The following LINGO2 variants were observed in gnomAD, a reference collection of about 807,000 sequenced individuals.
The protein encoded by LINGO2 is leucine-rich repeat and immunoglobulin-like domain-containing nogo receptor-interacting protein 2.
Under a neutral mutation model 30.6 loss-of-function variants are expected in LINGO2, and 14 were observed. That is an observed-to-expected ratio of 0.46 (90% CI 0.30 to 0.72). The LOEUF (loss-of-function observed/expected upper bound fraction) is 0.72, where lower values mean the gene tolerates loss of function less well. Ranked by LOEUF, LINGO2 falls within the 30% of genes least tolerant of loss-of-function variation. The probability of loss-of-function intolerance (pLI) is 0.07; values close to 1 mark genes in which losing one functional copy is unlikely to be tolerated. For missense variants in LINGO2, 729 were observed against 751.7 expected (o/e 0.97, Z 0.35); for synonymous variants, 317 against 288.5 (o/e 1.10, Z -1.00).
intron 1 of LINGO2, among the ~76,000 whole-genome samples, chr9:28,558,822 G>A (rs1044804956): frequency 2.0e-5 from 3 of 151,872 alleles, no homozygotes; most frequent in African/African-American, 4.8e-5. Context: ...TTTTGAGCTC[G>A]TGTGTGTGTT....
At chr9:28,081,375 G>A (rs1468787089) in intron 4 of LINGO2, among the ~76,000 whole-genome samples, 1 of 151,450 alleles carries the variant, frequency 6.6e-6, no homozygotes, top group African/African-American at 2.4e-5. Flanking sequence ...TACCTCTTAT[G>A]ATGAACCACT....
the LINGO2 span, among the ~76,000 whole-genome samples, chr9:28,693,493 G>A: frequency 2.7e-3 from 415 of 152,178 alleles, 3 homozygotes; most frequent in African/African-American, 9.5e-3. Flanking sequence ...CCATAAAAAT[G>A]TAAAATAATA....
chr9:28,535,701 T>C (rs909822328), intron 1 of LINGO2, among the ~76,000 whole-genome samples: 1 of 149,440 alleles, frequency 6.7e-6, no homozygotes, highest in East Asian at 2.0e-4. Context: ...AGTACGTGCA[T>C]GCACACACAC....
the LINGO2 span, among the ~76,000 whole-genome samples, chr9:29,127,879 T>C: frequency 1.3e-5 from 2 of 152,268 alleles, no homozygotes; most frequent in East Asian, 1.9e-4. Context: ...TCTTTTCTTA[T>C]GCTAAATTAT....
intron 5 of LINGO2, among the ~76,000 whole-genome samples, chr9:27,993,770 G>C (rs144141912): frequency 1.3e-5 from 2 of 152,012 alleles, no homozygotes; most frequent in African/African-American, 2.4e-5. Context: ...TTTACCCCTA[G>C]TACCTAGTAA....
chr9:28,423,567 A>T (rs985024728), intron 2 of LINGO2, among the ~76,000 whole-genome samples: 3 of 152,138 alleles, frequency 2.0e-5, no homozygotes, highest in Non-Finnish European at 2.9e-5. Flanking sequence ...TCTGTTCAGA[A>T]TAAAATTTCC....
At chr9:28,613,297 T>A (rs1467221701) in intron 1 of LINGO2, among the ~76,000 whole-genome samples, 1 of 152,082 alleles carries the variant, frequency 6.6e-6, no homozygotes, top group Admixed American at 6.6e-5. Context: ...GATGTATTAG[T>A]ATACATAAAT....
intron 1 of LINGO2, among the ~76,000 whole-genome samples, chr9:28,506,475 C>T (rs866601542): frequency 0.089 from 1,410 of 15,804 alleles, 47 homozygotes; most frequent in African/African-American, 0.26. Flanking sequence ...CACACACACA[C>T]ACACATACAC....
chr9:27,976,436 C>G (rs1279301480), intron 5 of LINGO2, among the ~76,000 whole-genome samples: 1 of 151,842 alleles, frequency 6.6e-6, no homozygotes, highest in Non-Finnish European at 1.5e-5. Flanking sequence ...TTTTTGAGAC[C>G]AAATGGTCTG....
At chr9:28,841,344 G>A in the LINGO2 span, among the ~76,000 whole-genome samples, 24 of 151,838 alleles carry the variant, frequency 1.6e-4, no homozygotes, top group Non-Finnish European at 2.8e-4. Flanking sequence ...ATTTAACAGT[G>A]TGTCACCTTA....
rs1263654531 is a variant in LINGO2 at position 28,289,530 on chromosome 9, G to A, written c.-87+5678C>T. The stretch of plus-strand genomic sequence containing the variant: ...AGAAAGATAAAGTATTCCAAAGAAA[G>A]AAAGTGCATATCTCACAAACAGGGG... On this transcript the variant is annotated intron_variant, in intron 4 of 5. Coordinates refer to ENST00000379992, the Ensembl canonical transcript of LINGO2. Among the ~76,000 whole-genome samples, 4 of 152,146 alleles carry A rather than the reference G, an allele frequency of 2.6e-5. 1 individual carries two copies. The highest frequency in any genetic ancestry group is 9.7e-5 in the African/African-American group (4 of 41,428).
intron 4 of LINGO2, among the ~76,000 whole-genome samples, chr9:28,079,597 T>A (rs929508075): frequency 6.6e-6 from 1 of 152,320 alleles, no homozygotes; most frequent in Non-Finnish European, 1.5e-5. Flanking sequence ...CACTTAATAC[T>A]TCTTGTTTAT....
At chr9:28,762,557 A>C in the LINGO2 span, among the ~76,000 whole-genome samples, 8 of 152,166 alleles carry the variant, frequency 5.3e-5, no homozygotes, top group African/African-American at 1.9e-4. Flanking sequence ...ATGTTTAATT[A>C]AAGGTTTATA....
chr9:28,513,810 G>A (rs1820511854), intron 1 of LINGO2, among the ~76,000 whole-genome samples: 2 of 152,172 alleles, frequency 1.3e-5, no homozygotes, highest in Admixed American at 1.3e-4. Flanking sequence ...CTTAAAAAAG[G>A]ACATACCGAC....
At chr9:28,830,114 A>C in the LINGO2 span, among the ~76,000 whole-genome samples, 1 of 152,280 alleles carries the variant, frequency 6.6e-6, no homozygotes, top group South Asian at 2.1e-4. Flanking sequence ...CTACAAACCC[A>C]CAGATGAGGG....
At chr9:29,056,614 T>C in the LINGO2 span, among the ~76,000 whole-genome samples, 1 of 152,100 alleles carries the variant, frequency 6.6e-6, no homozygotes, top group Non-Finnish European at 1.5e-5. Context: ...CCTTTTATCT[T>C]TGTTTTTGTT....
chr9:28,787,267 C>G, the LINGO2 span, among the ~76,000 whole-genome samples: 1 of 152,066 alleles, frequency 6.6e-6, no homozygotes, highest in South Asian at 2.1e-4. Context: ...GAGGAAAGAT[C>G]TTGTACACTA....
chr9:28,993,441 G>A, the LINGO2 span, among the ~76,000 whole-genome samples: 1 of 152,226 alleles, frequency 6.6e-6, no homozygotes, highest in East Asian at 1.9e-4. Flanking sequence ...AGAGGTACAA[G>A]GAGGAACTGG....
intron 4 of LINGO2, among the ~76,000 whole-genome samples, chr9:28,282,665 A>C (rs1262834334): frequency 6.6e-6 from 1 of 152,138 alleles, no homozygotes; most frequent in Non-Finnish European, 1.5e-5. Context: ...TTGATAATCA[A>C]TTTTGCATCA....
Sources: gnomAD v4.1 joint callset for allele counts (sites outside exome capture counted in the v4.1 genomes callset) on GRCh38, gnomAD v4.1.1 for gene constraint, MANE v1.5 for transcripts, NCBI Gene and HGNC (gene_info 2026-07-23, HGNC 2026-07-21) for gene names.